PRKN: variants seen among roughly 807,000 people sequenced by gnomAD.
The protein encoded by PRKN is parkin RBR E3 ubiquitin protein ligase.
PRKN carries 56 observed loss-of-function variants against 59.5 expected under a neutral mutation model. The ratio of observed to expected loss-of-function variants is 0.94; its 90% CI spans 0.76 to 1.18. PRKN has a LOEUF of 1.18. Among genes scored for constraint, PRKN ranks in the 50% most tolerant of loss-of-function variants. The pLI is 0.00. For missense variants in PRKN, 657 were observed against 596.4 expected (o/e 1.10, Z -1.06); for synonymous variants, 250 against 222.1 (o/e 1.13, Z -1.12).
At position 162,057,597 on chromosome 6, in the gene PRKN, G is replaced by A. The variant is rs184396704; in HGVS notation, c.535-3423C>T. On this transcript the variant is annotated intron_variant, in intron 4 of 11. Transcript: ENST00000366898. ...TTTCTGGCTTAAAGTGAGAAATTCA[G>A]TGGAGATAAATGTGGCTAGAATGCA... Among the ~76,000 whole-genome samples, 29 of 152,336 alleles carry A rather than the reference G, an allele frequency of 1.9e-4. No individual in the cohort carries two copies. The East Asian group carries it at 5.4e-3, about 28-fold the overall frequency.
chr6:161,536,191 T>C (rs1779407377), intron 9 of PRKN, among the ~76,000 whole-genome samples: 1 of 152,138 alleles, frequency 6.6e-6, no homozygotes, highest in Non-Finnish European at 1.5e-5. Context: ...AGCCCCAATT[T>C]AACTGGCTTA....
chr6:162,324,581 A>ACAGGGGGTCCACAGGTGCG (rs1309768074), intron 2 of PRKN, among the ~76,000 whole-genome samples: 7 of 152,088 alleles, frequency 4.6e-5, no homozygotes, highest in African/African-American at 9.7e-5. Flanking sequence ...AAGCACTGGC[A>ACAGGGGGTCCACAGGTGCG]CAGGGGGTCC....
At chr6:162,099,014 C>A (rs1231125342) in intron 4 of PRKN, among the ~76,000 whole-genome samples, 1 of 141,382 alleles carries the variant, frequency 7.1e-6, no homozygotes, top group Non-Finnish European at 1.6e-5. Flanking sequence ...GGTACTATAG[C>A]TTTTAATAAA....
At chr6:162,621,001 T>C (rs1212091582) in intron 1 of PRKN, among the ~76,000 whole-genome samples, 2 of 152,256 alleles carry the variant, frequency 1.3e-5, no homozygotes, top group East Asian at 1.9e-4. Flanking sequence ...GAAAACATAA[T>C]GTTAGCCTGG....
At chr6:161,646,054 C>T (rs868701011) in intron 7 of PRKN, among the ~76,000 whole-genome samples, 80 of 75,740 alleles carry the variant, frequency 1.1e-3, no homozygotes, top group African/African-American at 2.7e-3. Context: ...GTGGAGGAGG[C>T]GGCGTATCAG....
At chr6:162,591,191 C>T (rs1230585875) in intron 1 of PRKN, among the ~76,000 whole-genome samples, 1 of 151,936 alleles carries the variant, frequency 6.6e-6, no homozygotes, top group Non-Finnish European at 1.5e-5. Flanking sequence ...TAGGCAAACA[C>T]AGCTAGGAAT....
At chr6:162,081,604 C>T (rs74676357) in intron 4 of PRKN, among the ~76,000 whole-genome samples, 40,821 of 151,936 alleles carry the variant, frequency 0.27, 6,209 homozygotes, top group East Asian at 0.6. Flanking sequence ...TTTGTTGTTC[C>T]ATTTATAGAG....
chr6:161,430,771 C>T (rs1272502060), intron 9 of PRKN, among the ~76,000 whole-genome samples: 1 of 134,928 alleles, frequency 7.4e-6, no homozygotes, highest in South Asian at 2.4e-4. Context: ...GCCAAGATTG[C>T]GCCACTGCAC....
intron 6 of PRKN, among the ~76,000 whole-genome samples, chr6:161,884,624 T>A (rs558159523): frequency 6.6e-6 from 1 of 152,366 alleles, no homozygotes; most frequent in Non-Finnish European, 1.5e-5. Flanking sequence ...TTTTAAATTC[T>A]GCTTTCTGTC....
chr6:161,495,766 T>G (rs1777725575), intron 9 of PRKN, among the ~76,000 whole-genome samples: 1 of 152,218 alleles, frequency 6.6e-6, no homozygotes, highest in South Asian at 2.1e-4. Context: ...ACAAGCACGG[T>G]CATCTTCATT....
intron 7 of PRKN, among the ~76,000 whole-genome samples, chr6:161,690,966 C>CATCCATCT (rs1785763092): frequency 7.1e-6 from 1 of 140,922 alleles, no homozygotes; most frequent in South Asian, 2.2e-4. Context: ...ACAATCCATC[C>CATCCATCT]ATCCATCCAT....
intron 2 of PRKN, among the ~76,000 whole-genome samples, chr6:162,334,906 T>C (rs1429276126): frequency 6.6e-6 from 1 of 152,166 alleles, no homozygotes; most frequent in African/African-American, 2.4e-5. Flanking sequence ...TCACTGCAGA[T>C]GTGGTAAAAA....
chr6:162,349,326 C>T (rs1216862053), intron 2 of PRKN, among the ~76,000 whole-genome samples: 4 of 151,974 alleles, frequency 2.6e-5, no homozygotes, highest in South Asian at 4.2e-4. Context: ...ATTAGCCAGG[C>T]GTGTTGGCAT....
At position 161,540,883 on chromosome 6, in the gene PRKN, G is replaced by A. The variant is rs561493897; in HGVS notation, c.1083+7971C>T. Among the ~76,000 whole-genome samples, 75 of 152,290 alleles carry A rather than the reference G, an allele frequency of 4.9e-4. No homozygotes were observed. In the South Asian group the frequency reaches 0.015, roughly 30 times the overall value. ...TTGCAGCTCTCTGCTCCACCTCTCTGTACCCCAACTCCTGCCCTGCTCCTG... is the reference window on the plus strand; with the variant it reads ...TTGCAGCTCTCTGCTCCACCTCTCTATACCCCAACTCCTGCCCTGCTCCTG... On this transcript the variant is annotated intron_variant, in intron 9 of 11. Coordinates refer to ENST00000366898, the MANE Select transcript of PRKN (RefSeq NM_004562.3).
intron 4 of PRKN, among the ~76,000 whole-genome samples, chr6:162,179,371 T>C (rs1209210339): frequency 6.6e-6 from 1 of 152,182 alleles, no homozygotes; most frequent in Non-Finnish European, 1.5e-5. Flanking sequence ...CTCTGTGCCA[T>C]GGCAGATGGA....
intron 8 of PRKN, among the ~76,000 whole-genome samples, chr6:161,558,594 T>A (rs1780333539): frequency 6.6e-6 from 1 of 152,056 alleles, no homozygotes; most frequent in Admixed American, 6.6e-5. Flanking sequence ...CAGCTCACTA[T>A]TCCTCTGCCA....
In PRKN at chr6:162,446,587, A is replaced by G. The variant is rs1410442431; in HGVS notation, c.8-3114T>C. Among the ~76,000 whole-genome samples, 3 of 152,246 alleles carry G rather than the reference A, an allele frequency of 2.0e-5. No individual in the cohort carries two copies. The East Asian group carries it at 5.8e-4, about 29-fold the overall frequency. On this transcript the variant is annotated intron_variant, in intron 1 of 11. Transcript: ENST00000366898. ...TAAATCATAAATACTACGGATATGA[A>G]TATTTTTAACAGTAAATCTAACATA... is the stretch of plus-strand genomic sequence containing the variant.
chr6:162,706,549 G>T (rs189736238), intron 1 of PRKN, among the ~76,000 whole-genome samples: 1 of 152,154 alleles, frequency 6.6e-6, no homozygotes, highest in Admixed American at 6.5e-5. Context: ...AAGGCTGGGC[G>T]GCCATGTCGT....
chr6:162,569,749 C>T, intron 1 of PRKN: 1 of 521,356 alleles, frequency 1.9e-6, no homozygotes. Flanking sequence ...CAGCCCCTCC[C>T]AGCCTGCCCC....
Sources: allele counts gnomAD v4.1 joint callset (sites outside exome capture counted in the v4.1 genomes callset), GRCh38; gene constraint gnomAD v4.1.1; transcripts MANE v1.5; gene names NCBI Gene and HGNC (gene_info 2026-07-23, HGNC 2026-07-21).